SUPT3H: variants seen among roughly 807,000 people sequenced by gnomAD.
SUPT3H encodes SPT3 homolog, SAGA and STAGA complex component, also known as transcription initiation protein SPT3 homolog.
Under a neutral mutation model 44.3 loss-of-function variants are expected in SUPT3H, and 44 were observed. The ratio of observed to expected loss-of-function variants is 0.99; its 90% CI spans 0.78 to 1.28. SUPT3H has a LOEUF of 1.28. SUPT3H is among the 50% of genes most tolerant of loss of function. The pLI, the probability that SUPT3H is intolerant of heterozygous loss-of-function variation, is 0.00. For missense variants in SUPT3H, 380 were observed against 387.1 expected, an observed-to-expected ratio of 0.98 and a Z score of 0.15; for synonymous variants, 124 against 125.6, an observed-to-expected ratio of 0.99 and a Z score of 0.09.
chr6:45,370,986 A>G (rs1022859715), intron 1 of SUPT3H, among the ~76,000 whole-genome samples: 4 of 152,210 alleles, frequency 2.6e-5, no homozygotes, highest in African/African-American at 4.8e-5. Context: ...ATTATCCTTA[A>G]GCCCTGACAA....
At chr6:45,271,084 G>A (rs761188380) in intron 2 of SUPT3H, among the ~76,000 whole-genome samples, 2 of 152,182 alleles carry the variant, frequency 1.3e-5, no homozygotes, top group Non-Finnish European at 2.9e-5. Flanking sequence ...CCTGGGTGCT[G>A]TTAAAGGCAT....
At chr6:45,153,990 A>C (rs1807379034) in intron 2 of SUPT3H, among the ~76,000 whole-genome samples, 1 of 143,112 alleles carries the variant, frequency 7.0e-6, no homozygotes, top group Non-Finnish European at 1.5e-5. Context: ...GAATCGCTTG[A>C]ACCCGGGAGG....
rs866039188 is a variant in SUPT3H, at chr6:45,109,821, A to C, written c.102-3815T>G. The stretch of plus-strand genomic sequence containing the variant: ...AAAGACAGACAAGTAATTGATACTT[A>C]TACAACTATTTTGATTTTTTTCCCC... On this transcript the variant is annotated intron_variant, in intron 2 of 10. Transcript: ENST00000371459. Among the ~76,000 whole-genome samples, 82 of 152,328 alleles carry C rather than the reference A, an allele frequency of 5.4e-4. No homozygotes were observed. In the Middle Eastern group the frequency reaches 0.024, roughly 44 times the overall value.
At chr6:45,255,988 G>T (rs774596777) in intron 2 of SUPT3H, among the ~76,000 whole-genome samples, 1 of 152,038 alleles carries the variant, frequency 6.6e-6, no homozygotes, top group Non-Finnish European at 1.5e-5. Context: ...TGGCTAACAC[G>T]GTGAAACCCC....
chr6:45,235,765 G>C (rs989062270), intron 2 of SUPT3H, among the ~76,000 whole-genome samples: 1 of 152,064 alleles, frequency 6.6e-6, no homozygotes, highest in Non-Finnish European at 1.5e-5. Context: ...GCCATAAGCT[G>C]ACCTCAAAAC....
chr6:44,892,579 C>T (rs1449155774), intron 10 of SUPT3H, among the ~76,000 whole-genome samples: 2 of 152,136 alleles, frequency 1.3e-5, no homozygotes, highest in African/African-American at 4.8e-5. Flanking sequence ...AGATAATCTG[C>T]ATGCAATTAA....
chr6:45,092,037 T>C (rs1261810125), intron 3 of SUPT3H, among the ~76,000 whole-genome samples: 1 of 152,142 alleles, frequency 6.6e-6, no homozygotes, highest in African/African-American at 2.4e-5. Flanking sequence ...CTTTACATTA[T>C]ATATTTTACT....
At chr6:44,821,973 T>C (rs919051145), downstream of SUPT3H, among the ~76,000 whole-genome samples, 1 of 152,198 alleles carries the variant, frequency 6.6e-6, no homozygotes, top group Non-Finnish European at 1.5e-5. Flanking sequence ...TAAAAAAAGG[T>C]AGTGTCAAAA....
At chr6:44,866,339 C>T (rs1460795905) in intron 10 of SUPT3H, among the ~76,000 whole-genome samples, 1 of 151,848 alleles carries the variant, frequency 6.6e-6, no homozygotes, top group African/African-American at 2.4e-5. Context: ...CAAAAGCAAA[C>T]CCGGCTTAGC....
intron 3 of SUPT3H, among the ~76,000 whole-genome samples, chr6:45,087,047 GT>G (rs1796560073): frequency 1.3e-5 from 2 of 151,840 alleles, no homozygotes; most frequent in South Asian, 4.1e-4. Flanking sequence ...ACCATCAAGA[GT>G]TTAAAATCAG....
At chr6:45,162,531 A>G (rs1809182814) in intron 2 of SUPT3H, among the ~76,000 whole-genome samples, 1 of 152,178 alleles carries the variant, frequency 6.6e-6, no homozygotes, top group South Asian at 2.1e-4. Context: ...CTCTAAAACA[A>G]AAACCAAAAC....
At chr6:45,077,620 T>C (rs1795170683) in intron 3 of SUPT3H, among the ~76,000 whole-genome samples, 1 of 514 alleles carries the variant, frequency 1.9e-3, no homozygotes, top group Admixed American at 0.026. Flanking sequence ...GAGTGAGACC[T>C]TGTTTCAAAA....
intron 2 of SUPT3H, among the ~76,000 whole-genome samples, chr6:45,118,883 A>C (rs1202691441): frequency 1.3e-5 from 2 of 152,204 alleles, no homozygotes; most frequent in South Asian, 2.1e-4. Context: ...GCAGAGGCTA[A>C]GAAGTGCTTA....
In SUPT3H at chr6:44,885,910, G is replaced by A. The variant is rs1434604159; in HGVS notation, c.912+46743C>T. Among the ~76,000 whole-genome samples the A allele has an allele frequency of 3.3e-5, 5 of 152,146 alleles. No homozygotes were observed. The South Asian group carries it at 6.2e-4, about 19-fold the overall frequency. On this transcript the variant is annotated intron_variant, in intron 10 of 10. Transcript: ENST00000371459. The stretch of plus-strand genomic sequence containing the variant: ...GTATAACTAGAATAACCAATACACA[G>A]AAGTGCTTAAAGGAGCTGATGGAGC...
At chr6:45,004,543 A>T (rs150111955) in intron 5 of SUPT3H, among the ~76,000 whole-genome samples, 102 of 152,022 alleles carry the variant, frequency 6.7e-4, no homozygotes, top group Non-Finnish European at 1.1e-3. Context: ...TTTAAATCAA[A>T]AAGTTTTATA....
chr6:45,339,270 G>C (rs748265660), intron 2 of SUPT3H, among the ~76,000 whole-genome samples: 2 of 152,092 alleles, frequency 1.3e-5, no homozygotes, highest in Non-Finnish European at 2.9e-5. Context: ...GAATTACCTG[G>C]GGAGTAAGTC....
intron 2 of SUPT3H, among the ~76,000 whole-genome samples, chr6:45,307,443 C>T (rs1783222034): frequency 1.3e-5 from 2 of 152,222 alleles, no homozygotes; most frequent in South Asian, 4.1e-4. Context: ...AATCAGACAG[C>T]AACATTTGCT....
At chr6:45,005,557 T>C (rs1782594807) in intron 5 of SUPT3H, among the ~76,000 whole-genome samples, 2 of 151,898 alleles carry the variant, frequency 1.3e-5, no homozygotes, top group South Asian at 4.2e-4. Flanking sequence ...CTGACCAACA[T>C]GGAGAGACCC....
chr6:45,280,851 A>C (rs1312969883), intron 2 of SUPT3H, among the ~76,000 whole-genome samples: 3 of 152,224 alleles, frequency 2.0e-5, no homozygotes, highest in African/African-American at 7.2e-5. Context: ...TTCTATAACA[A>C]CAGAGTGGTT....
Sources: allele counts gnomAD v4.1 joint callset (sites outside exome capture counted in the v4.1 genomes callset), GRCh38; gene constraint gnomAD v4.1.1; transcripts MANE v1.5; gene names NCBI Gene and HGNC (gene_info 2026-07-23, HGNC 2026-07-21).